Variants in AGTPBP1 observed in about 807,000 individuals in gnomAD.
AGTPBP1 encodes ATP/GTP binding carboxypeptidase 1.
AGTPBP1 carries 70 observed loss-of-function variants against 143.9 expected under a neutral mutation model. The observed-to-expected ratio is 0.49, with a 90% confidence interval of 0.40 to 0.59. The LOEUF (loss-of-function observed/expected upper bound fraction) is 0.59, where lower values mean the gene tolerates loss of function less well. Ranked by LOEUF, AGTPBP1 falls within the 20% of genes least tolerant of loss-of-function variation. The pLI is 0.00. For synonymous variants in AGTPBP1, 463 were observed against 500.2 expected (o/e 0.93, Z 0.99); for missense variants, 1,229 against 1,464.5 (o/e 0.84, Z 2.62).
chr9:85,795,824 T>C, the AGTPBP1 span, among the ~76,000 whole-genome samples: 2 of 150,412 alleles, frequency 1.3e-5, no homozygotes, highest in African/African-American at 2.4e-5. Context: ...CTATTTCTCC[T>C]GGAGGTTTTT....
At chr9:85,711,320 G>A (rs1346365050) in intron 2 of AGTPBP1, among the ~76,000 whole-genome samples, 2 of 152,046 alleles carry the variant, frequency 1.3e-5, no homozygotes, top group Non-Finnish European at 2.9e-5. Context: ...AATCAGAATT[G>A]TCTTTCAACT....
intron 1 of AGTPBP1, among the ~76,000 whole-genome samples, chr9:85,712,973 C>G (rs896502399): frequency 6.6e-6 from 1 of 152,124 alleles, no homozygotes; most frequent in Admixed American, 6.6e-5. Flanking sequence ...AAATACTAGT[C>G]AATATGTGTT....
chr9:85,598,986 T>A (rs1191865400), intron 17 of AGTPBP1, among the ~76,000 whole-genome samples: 1 of 152,092 alleles, frequency 6.6e-6, no homozygotes, highest in Non-Finnish European at 1.5e-5. Flanking sequence ...CCTCCCAGAG[T>A]GCTGGGATTA....
chr9:85,751,522 C>T, the AGTPBP1 span, among the ~76,000 whole-genome samples: 1 of 152,174 alleles, frequency 6.6e-6, no homozygotes, highest in African/African-American at 2.4e-5. Flanking sequence ...AACTGGCCAG[C>T]TCTGACTCAT....
the AGTPBP1 span, among the ~76,000 whole-genome samples, chr9:85,796,872 C>T: frequency 3.6e-4 from 55 of 152,200 alleles, no homozygotes; most frequent in Middle Eastern, 3.4e-3. Context: ...CTGCAACTTC[C>T]GCCTCCCTGG....
chr9:85,797,081 G>A, the AGTPBP1 span, among the ~76,000 whole-genome samples: 400 of 152,162 alleles, frequency 2.6e-3, 2 homozygotes, highest in Non-Finnish European at 4.5e-3. Context: ...CACTGCGCCC[G>A]GCTCTTTCTT....
At chr9:85,751,822 G>A in the AGTPBP1 span, among the ~76,000 whole-genome samples, 1 of 151,718 alleles carries the variant, frequency 6.6e-6, no homozygotes, top group South Asian at 2.1e-4. Context: ...GGCCAGGCTG[G>A]TCTTGAACTC....
At chr9:85,598,653 C>T (rs1307316323) in intron 17 of AGTPBP1, among the ~76,000 whole-genome samples, 1 of 152,198 alleles carries the variant, frequency 6.6e-6, no homozygotes, top group Admixed American at 6.5e-5. Context: ...CTTGTAAATA[C>T]AAAATATCTG....
intron 17 of AGTPBP1, among the ~76,000 whole-genome samples, chr9:85,609,673 A>T (rs998845841): frequency 6.6e-6 from 1 of 152,216 alleles, no homozygotes; most frequent in African/African-American, 2.4e-5. Context: ...GAAAAGCAAG[A>T]TGGGCCTTGT....
intron 1 of AGTPBP1, among the ~76,000 whole-genome samples, chr9:85,732,556 A>G (rs1279029628): frequency 6.6e-6 from 1 of 152,212 alleles, no homozygotes; most frequent in African/African-American, 2.4e-5. Context: ...ATCAAAATAT[A>G]TAAAATATGA....
At chr9:85,773,499 A>G in the AGTPBP1 span, among the ~76,000 whole-genome samples, 6 of 150,736 alleles carry the variant, frequency 4.0e-5, no homozygotes, top group African/African-American at 1.5e-4. Context: ...ACACCCAGCT[A>G]ATTTTATATA....
At chr9:85,705,935 C>A (rs1484784832) in intron 2 of AGTPBP1, among the ~76,000 whole-genome samples, 1 of 151,856 alleles carries the variant, frequency 6.6e-6, no homozygotes. Context: ...TGTGATCCGC[C>A]CGCCTCGGCC....
the AGTPBP1 span, among the ~76,000 whole-genome samples, chr9:85,770,018 T>A: frequency 6.6e-6 from 1 of 152,128 alleles, no homozygotes. Flanking sequence ...TCCATTTTAT[T>A]CCATCAGGTT....
At chr9:85,800,033 C>T in the AGTPBP1 span, among the ~76,000 whole-genome samples, 3 of 152,176 alleles carry the variant, frequency 2.0e-5, no homozygotes, top group East Asian at 5.8e-4. Flanking sequence ...AGGATCCCAG[C>T]ATTCCAGGAT....
intron 23 of AGTPBP1, among the ~76,000 whole-genome samples, chr9:85,582,275 A>G (rs1377116400): frequency 6.6e-6 from 1 of 152,182 alleles, no homozygotes. Context: ...CTCACATTGC[A>G]TTTAGTTATT....
intron 8 of AGTPBP1, among the ~76,000 whole-genome samples, chr9:85,664,879 CTTCT>C (rs757773577): frequency 4.4e-4 from 67 of 152,206 alleles, no homozygotes; most frequent in Non-Finnish European, 8.8e-4. Flanking sequence ...ACTAAGAAGC[CTTCT>C]TTGTCAACTT....
chr9:85,712,366 T>C, intron 2 of AGTPBP1, 136 bp downstream of exon 2: 1 of 445,970 alleles, frequency 2.2e-6, no homozygotes, highest in Non-Finnish European at 3.8e-6. Flanking sequence ...TAAACATTAA[T>C]AAACATTTTT....
intron 2 of AGTPBP1, among the ~76,000 whole-genome samples, chr9:85,711,111 A>G (rs190067844): frequency 1.7e-3 from 259 of 152,350 alleles, no homozygotes; most frequent in African/African-American, 5.9e-3. Flanking sequence ...ACACGTAAAC[A>G]TAAGAACATT....
At chr9:85,785,064 G>A in the AGTPBP1 span, among the ~76,000 whole-genome samples, 1 of 152,122 alleles carries the variant, frequency 6.6e-6, no homozygotes, top group Non-Finnish European at 1.5e-5. Flanking sequence ...CAGGTGCGGT[G>A]GCTCATGCCT....
Sources: allele counts gnomAD v4.1 joint callset (sites outside exome capture counted in the v4.1 genomes callset), GRCh38; gene constraint gnomAD v4.1.1; transcripts MANE v1.5; gene names NCBI Gene and HGNC (gene_info 2026-07-23, HGNC 2026-07-21).